DOCK1: variants seen among roughly 807,000 people sequenced by gnomAD.
DOCK1 encodes the protein dedicator of cytokinesis protein 1.
Under a neutral mutation model 262.7 loss-of-function variants are expected in DOCK1, and 138 were observed. The ratio of observed to expected loss-of-function variants is 0.53; its 90% CI spans 0.46 to 0.61. The LOEUF (loss-of-function observed/expected upper bound fraction) is 0.61, where lower values mean the gene tolerates loss of function less well. Ranked by LOEUF, DOCK1 falls within the 20% of genes least tolerant of loss-of-function variation. DOCK1 has a pLI of 0.00. For missense variants in DOCK1, 1,908 were observed against 2,370.7 expected (o/e 0.80, Z 4.05); for synonymous variants, 866 against 867.4 (o/e 1.00, Z 0.03).
At chr10:127,377,567 G>A (rs1265930079) in intron 35 of DOCK1, among the ~76,000 whole-genome samples, 38 of 152,106 alleles carry the variant, frequency 2.5e-4, no homozygotes, top group Admixed American at 2.3e-3. Flanking sequence ...TGTAAGTTGT[G>A]TAGGCTCCTT....
At chr10:127,305,564 A>T (rs1249255666) in intron 29 of DOCK1, among the ~76,000 whole-genome samples, 1 of 152,116 alleles carries the variant, frequency 6.6e-6, no homozygotes, top group African/African-American at 2.4e-5. Flanking sequence ...CCATTCTGGG[A>T]ACAGTAAAGA....
chr10:126,944,509 G>T (rs929080737), intron 1 of DOCK1, among the ~76,000 whole-genome samples: 4 of 152,112 alleles, frequency 2.6e-5, no homozygotes, highest in African/African-American at 9.7e-5. Context: ...TGTGTGGGAG[G>T]GTTTGGAAAG....
intron 27 of DOCK1, among the ~76,000 whole-genome samples, chr10:127,205,924 G>C (rs1262792172): frequency 6.6e-6 from 1 of 151,892 alleles, no homozygotes; most frequent in African/African-American, 2.4e-5. Context: ...ATCATCTATG[G>C]GTATAATGCA....
intron 47 of DOCK1, among the ~76,000 whole-genome samples, chr10:127,430,657 CTG>C (rs1181144116): frequency 1.3e-5 from 2 of 151,252 alleles, no homozygotes; most frequent in Admixed American, 6.6e-5. Flanking sequence ...GTGTCACCCT[CTG>C]TGGATTTCCA....
At chr10:127,288,256 G>C (rs1296504272) in intron 29 of DOCK1, among the ~76,000 whole-genome samples, 1 of 152,142 alleles carries the variant, frequency 6.6e-6, no homozygotes. Context: ...CCCTGCTTAA[G>C]TAGTCTTTGA....
At chr10:127,190,993 G>A (rs2056716652) in intron 27 of DOCK1, among the ~76,000 whole-genome samples, 2 of 152,032 alleles carry the variant, frequency 1.3e-5, no homozygotes, top group Non-Finnish European at 2.9e-5. Flanking sequence ...TTGCCCTGCT[G>A]GTTCCTCCTC....
intron 1 of DOCK1, among the ~76,000 whole-genome samples, chr10:126,964,292 A>G (rs1448768655): frequency 6.6e-6 from 1 of 152,190 alleles, no homozygotes; most frequent in Non-Finnish European, 1.5e-5. Flanking sequence ...CTGGGGTTAC[A>G]TCTGGCTTAT....
intron 27 of DOCK1, among the ~76,000 whole-genome samples, chr10:127,177,923 G>A (rs1293237418): frequency 1.3e-5 from 2 of 152,208 alleles, no homozygotes; most frequent in African/African-American, 4.8e-5. Context: ...TGTCACACAG[G>A]AAATAAGCAG....
chr10:127,358,234 C>G, intron 32 of DOCK1, among the ~76,000 whole-genome samples: 1 of 152,116 alleles, frequency 6.6e-6, no homozygotes, highest in East Asian at 1.9e-4. Context: ...CAGCTCTTGC[C>G]TCCTCCTTGC....
At chr10:127,224,560 G>GAA (rs759567078) in intron 27 of DOCK1, among the ~76,000 whole-genome samples, 8 of 128,384 alleles carry the variant, frequency 6.2e-5, no homozygotes, top group Non-Finnish European at 6.7e-5. Context: ...CTCTGCTTCA[G>GAA]AAAAAAAAAA....
chr10:127,431,863 A>C (rs1398102050), intron 47 of DOCK1, among the ~76,000 whole-genome samples: 1 of 152,158 alleles, frequency 6.6e-6, no homozygotes, highest in Non-Finnish European at 1.5e-5. Flanking sequence ...GCCCTCAGGC[A>C]GTGGACTGGT....
intron 23 of DOCK1, among the ~76,000 whole-genome samples, chr10:127,071,381 A>G (rs1390952252): frequency 6.6e-6 from 1 of 152,206 alleles, no homozygotes; most frequent in Non-Finnish European, 1.5e-5. Context: ...CTCCACCCAC[A>G]TTTATACTGT....
chr10:127,280,960 A>G lies in DOCK1; in HGVS notation c.3044+23531A>G, dbSNP rs183707089. ...TTCCTTGAGTTAGCAAATCACCAACACTATTTAGTTTAGCGAGTTACTCCT... is the reference window on the plus strand; with the variant it reads ...TTCCTTGAGTTAGCAAATCACCAACGCTATTTAGTTTAGCGAGTTACTCCT... On this transcript the variant is annotated intron_variant, in intron 29 of 51. Transcript: ENST00000623213. Among the ~76,000 whole-genome samples, 5 of 152,270 alleles carry G rather than the reference A, an allele frequency of 3.3e-5. No individual in the cohort carries two copies. The East Asian group carries it at 9.7e-4, about 29-fold the overall frequency.
intron 27 of DOCK1, among the ~76,000 whole-genome samples, chr10:127,140,180 T>C (rs2051089195): frequency 6.6e-6 from 1 of 152,250 alleles, no homozygotes; most frequent in Admixed American, 6.5e-5. Context: ...CCTGTAATTA[T>C]TGAATTCCCA....
At chr10:127,424,535 T>G (rs1000110243) in intron 46 of DOCK1, among the ~76,000 whole-genome samples, 1 of 152,182 alleles carries the variant, frequency 6.6e-6, no homozygotes, top group Non-Finnish European at 1.5e-5. Context: ...TCCCTGCCTT[T>G]GCATCCAGAG....
At position 126,969,055 on chromosome 10, in the gene DOCK1, T is replaced by C. The variant is rs113892749; in HGVS notation, c.47-1647T>C. Among the ~76,000 whole-genome samples, 486 of 152,280 alleles carry C rather than the reference T, an allele frequency of 3.2e-3. 4 individuals are homozygous for C. Among genetic ancestry groups the C allele is most frequent in the African/African-American group, 0.011 (464 of 41,548 alleles). ...AGAATTCAGGTAGCGGTAGACATCT[T>C]GATAGCAGTAAAAAAAATACAACCA... On this transcript the variant is annotated intron_variant, in intron 1 of 51. Transcript: ENST00000623213.
chr10:127,080,511 A>G (rs1255338087), intron 23 of DOCK1, among the ~76,000 whole-genome samples: 3 of 151,980 alleles, frequency 2.0e-5, no homozygotes, highest in Non-Finnish European at 2.9e-5. Context: ...GCTTCACTGC[A>G]GTCACATTGT....
intron 23 of DOCK1, among the ~76,000 whole-genome samples, chr10:127,063,173 C>T (rs571323649): frequency 1.9e-4 from 29 of 152,334 alleles, no homozygotes; most frequent in Non-Finnish European, 3.5e-4. Flanking sequence ...ATCTTTCACT[C>T]GACTGATCAT....
chr10:127,175,297 T>G lies in DOCK1; in HGVS notation c.2847+47533T>G, dbSNP rs759159621. 1.9e-6 allele frequency: 3 copies of G among 1,614,130 alleles called. No homozygotes were observed. Among genetic ancestry groups the G allele is most frequent in the Non-Finnish European group, 2.5e-6 (3 of 1,180,022 alleles). ...GTTTCTTGGCTTGAACTGATCAAGTTCTCCATCATCTGAAGTTGTGCTTTG... is the reference window on the plus strand; with the variant it reads ...GTTTCTTGGCTTGAACTGATCAAGTGCTCCATCATCTGAAGTTGTGCTTTG... On this transcript the variant is annotated intron_variant, in intron 27 of 51. Coordinates refer to ENST00000623213, the MANE Select transcript of DOCK1 (RefSeq NM_001290223.2). This position sits in a 1 kb window ranked among gnomAD's most constrained non-coding sequence, Gnocchi z 6.3.
Sources: gnomAD v4.1 joint callset for allele counts (sites outside exome capture counted in the v4.1 genomes callset) on GRCh38, gnomAD v4.1.1 for gene constraint, Gnocchi (gnomAD v3.1) non-coding constraint, MANE v1.5 for transcripts, NCBI Gene and HGNC (gene_info 2026-07-23, HGNC 2026-07-21) for gene names.